Variants in GOLM2 observed in about 807,000 individuals in gnomAD.
The protein encoded by GOLM2 is golgi membrane protein 2.
In GOLM2, 26 loss-of-function variants were observed where a neutral mutation model predicts 55.9. The observed-to-expected ratio is 0.47, with a 90% confidence interval of 0.34 to 0.65. The LOEUF is 0.65. GOLM2 is among the 30% of genes least tolerant of loss of function. The probability of loss-of-function intolerance (pLI) is 0.01; values close to 1 mark genes in which losing one functional copy is unlikely to be tolerated. For missense variants in GOLM2, 486 were observed against 531.8 expected, an observed-to-expected ratio of 0.91 and a Z score of 0.85; for synonymous variants, 165 against 194.6, an observed-to-expected ratio of 0.85 and a Z score of 1.27.
chr15:44,408,413 AC>A (rs921360490), intron 9 of GOLM2, among the ~76,000 whole-genome samples: 7 of 152,228 alleles, frequency 4.6e-5, no homozygotes, highest in African/African-American at 1.4e-4. Context: ...ATGTGAAGAT[AC>A]CATATTAAAA....
intron 1 of GOLM2, among the ~76,000 whole-genome samples, chr15:44,306,634 C>CGTCA (rs1313897375): frequency 6.6e-6 from 1 of 152,200 alleles, no homozygotes; most frequent in Non-Finnish European, 1.5e-5. Flanking sequence ...ATGTTCTTGA[C>CGTCA]GTGCCCTTTT....
At chr15:44,387,751 A>C (rs1391227457) in intron 8 of GOLM2, among the ~76,000 whole-genome samples, 1 of 151,236 alleles carries the variant, frequency 6.6e-6, no homozygotes, top group East Asian at 2.0e-4. Context: ...ACAGAATGAG[A>C]CACTCTCTCA....
intron 1 of GOLM2, among the ~76,000 whole-genome samples, chr15:44,310,161 G>A (rs1479919405): frequency 6.6e-6 from 1 of 152,026 alleles, no homozygotes; most frequent in Non-Finnish European, 1.5e-5. Context: ...TGGGATTACG[G>A]GCGTGAGCTG....
chr15:44,400,076 T>C (rs1440212820), intron 8 of GOLM2, among the ~76,000 whole-genome samples: 1 of 152,048 alleles, frequency 6.6e-6, no homozygotes, highest in Admixed American at 6.6e-5. Flanking sequence ...AGAAAGATAA[T>C]AAAGCCCATC....
chr15:44,410,771 G>C (rs898063959), intron 9 of GOLM2, among the ~76,000 whole-genome samples: 4 of 151,166 alleles, frequency 2.6e-5, no homozygotes, highest in South Asian at 2.1e-4. Context: ...GGCATGTGGT[G>C]TGTGCCTGTA....
rs144815705 is a variant in GOLM2 at position 44,399,399 on chromosome 15, A to G, written c.1073-3488A>G. Among the ~76,000 whole-genome samples the G allele has an allele frequency of 4.4e-3, 668 of 152,326 alleles. 6 individuals carry two copies. Among genetic ancestry groups the G allele is most frequent in the African/African-American group, 0.016 (648 of 41,576 alleles). On this transcript the variant is annotated intron_variant, in intron 8 of 9. Coordinates refer to ENST00000299957, the MANE Select transcript of GOLM2 (RefSeq NM_138423.4). ...ATTTCTCCAAACGTGATAATTCTGTATATATAATAGCACAGATCACTGTTT... is the reference window on the plus strand; with the variant it reads ...ATTTCTCCAAACGTGATAATTCTGTGTATATAATAGCACAGATCACTGTTT...
intron 4 of GOLM2, among the ~76,000 whole-genome samples, chr15:44,335,810 CTT>C (rs768065943): frequency 8.2e-6 from 1 of 122,200 alleles, no homozygotes. Flanking sequence ...GGACAAACTG[CTT>C]TTTTTTTTTT....
chr15:44,386,915 C>A (rs575475758), intron 8 of GOLM2, among the ~76,000 whole-genome samples: 6 of 152,126 alleles, frequency 3.9e-5, no homozygotes, highest in Non-Finnish European at 7.4e-5. Context: ...TGGCTCATGC[C>A]TGTAATCCCA....
intron 1 of GOLM2, among the ~76,000 whole-genome samples, chr15:44,291,104 C>CTT (rs577138423): frequency 5.8e-4 from 75 of 129,336 alleles, no homozygotes; most frequent in South Asian, 3.0e-3. Flanking sequence ...TGCCCAGCCT[C>CTT]TTTTTTTTTT....
intron 6 of GOLM2, among the ~76,000 whole-genome samples, chr15:44,369,604 G>A (rs34392444): frequency 5.3e-5 from 8 of 151,072 alleles, no homozygotes; most frequent in African/African-American, 9.7e-5. Context: ...CGGGCGGATC[G>A]AGAGATCAGG....
At chr15:44,299,926 C>CAAAAAAAAAA (rs1009141482) in intron 1 of GOLM2, among the ~76,000 whole-genome samples, 3 of 11,534 alleles carry the variant, frequency 2.6e-4, no homozygotes, top group East Asian at 1.5e-3. Context: ...GGCAACATAG[C>CAAAAAAAAAA]AAAAAAAAAA....
At chr15:44,290,695 A>G (rs1020226300) in intron 1 of GOLM2, among the ~76,000 whole-genome samples, 3 of 152,252 alleles carry the variant, frequency 2.0e-5, no homozygotes, top group African/African-American at 4.8e-5. Flanking sequence ...GTTGAGCATT[A>G]CAATTCACAT....
rs571115105 is a variant in GOLM2, at chr15:44,358,449, C to T, written c.802+20132C>T. ...CAAAAGTTGGACGACTGATGCTACT[C>T]GACCTCGAGACTTAATATTAGAGCT... On this transcript the variant is annotated intron_variant, in intron 6 of 9. Coordinates refer to ENST00000299957, the MANE Select transcript of GOLM2 (RefSeq NM_138423.4). 9.2e-5 allele frequency among the ~76,000 whole-genome samples: 14 copies of T among 152,248 alleles called. No individual in the cohort carries two copies. In the South Asian group the frequency reaches 2.7e-3, roughly 29 times the overall value.
At chr15:44,347,087 G>A (rs1415389392) in intron 6 of GOLM2, among the ~76,000 whole-genome samples, 1 of 152,098 alleles carries the variant, frequency 6.6e-6, no homozygotes, top group African/African-American at 2.4e-5. Flanking sequence ...TTGCACCACT[G>A]TACTCCAGTC....
In GOLM2 at chr15:44,345,645, G is replaced by A. The variant is rs538319066; in HGVS notation, c.802+7328G>A. Among the ~76,000 whole-genome samples, 682 of 152,054 alleles carry A rather than the reference G, an allele frequency of 4.5e-3. 4 individuals carry two copies. The highest frequency in any genetic ancestry group is 0.016 in the African/African-American group (648 of 41,488). Reference sequence around the variant, plus strand: ...ATACCTATAAACAAAGAGGAAAATCGTATTTCTTTCTTGGAAACTCTTTTT... The same window carrying A: ...ATACCTATAAACAAAGAGGAAAATCATATTTCTTTCTTGGAAACTCTTTTT... On this transcript the variant is annotated intron_variant, in intron 6 of 9. Transcript: ENST00000299957.
intron 2 of GOLM2, among the ~76,000 whole-genome samples, chr15:44,326,700 G>T (rs1316924102): frequency 8.3e-5 from 12 of 144,978 alleles, no homozygotes; most frequent in African/African-American, 2.8e-4. Context: ...TGTCCAGGCT[G>T]GAGTGCAGTG....
intron 6 of GOLM2, among the ~76,000 whole-genome samples, chr15:44,341,813 A>G (rs2079092609): frequency 6.7e-6 from 1 of 148,360 alleles, no homozygotes; most frequent in Non-Finnish European, 1.5e-5. Context: ...TCTCTGCCTC[A>G]GCCTCCTGAG....
chr15:44,322,626 A>G (rs1022599712), intron 1 of GOLM2, among the ~76,000 whole-genome samples: 2 of 152,152 alleles, frequency 1.3e-5, no homozygotes, highest in Admixed American at 6.6e-5. Context: ...GTTTTCGTAT[A>G]CTTTTAAGTT....
chr15:44,400,345 T>A (rs988182629), intron 8 of GOLM2, among the ~76,000 whole-genome samples: 1 of 151,780 alleles, frequency 6.6e-6, no homozygotes, highest in Non-Finnish European at 1.5e-5. Context: ...TGAGACAGAG[T>A]TTGGCTTTTG....
Sources: gnomAD v4.1 joint callset for allele counts (sites outside exome capture counted in the v4.1 genomes callset) on GRCh38, gnomAD v4.1.1 for gene constraint, MANE v1.5 for transcripts, NCBI Gene and HGNC (gene_info 2026-07-23, HGNC 2026-07-21) for gene names.